The following TRPM4 variants were observed in gnomAD, a reference collection of about 807,000 sequenced individuals.
TRPM4 encodes the protein transient receptor potential cation channel subfamily M member 4, also known as calcium-activated non-selective cation channel 1.
Under a neutral mutation model 135.6 loss-of-function variants are expected in TRPM4, and 124 were observed. The observed-to-expected ratio is 0.91, with a 90% CI of 0.79 to 1.06. The LOEUF (loss-of-function observed/expected upper bound fraction) is 1.06, where lower values mean the gene tolerates loss of function less well. Ranked by LOEUF, TRPM4 falls within the 50% of genes least tolerant of loss-of-function variation. The probability of loss-of-function intolerance (pLI) is 0.00; values close to 1 mark genes in which losing one functional copy is unlikely to be tolerated. For synonymous variants in TRPM4, 745 were observed against 705.6 expected (o/e 1.06, Z -0.88); for missense variants, 1,658 against 1,671.4 (o/e 0.99, Z 0.14).
intron 10 of TRPM4, among the ~76,000 whole-genome samples, chr19:49,182,185 C>T (rs1772682921): frequency 7.1e-6 from 1 of 140,970 alleles, no homozygotes. Flanking sequence ...CCTATCCATT[C>T]ATCCATACAT....
Position 49,201,012 on chromosome 19 carries a change from C to T in TRPM4, c.2953+227C>T, listed in dbSNP as rs7250284. 0.025 allele frequency among the ~76,000 whole-genome samples: 3,377 copies of T among 134,370 alleles called. 126 individuals carry two copies. Among genetic ancestry groups the T allele is most frequent in the African/African-American group, 0.085 (3,090 of 36,524 alleles). 88.2% of individuals were successfully genotyped at this position (134,370 alleles called of 152,430 possible). On this transcript the variant is annotated intron_variant, in intron 19 of 24. Transcript: ENST00000252826. ...GTCTTTCTTTTTTCTTTTTTTTTTTCTTTTTTTTTGAGATGGATGTTAGAA... is the reference window on the plus strand; with the variant it reads ...GTCTTTCTTTTTTCTTTTTTTTTTTTTTTTTTTTTGAGATGGATGTTAGAA...
intron 12 of TRPM4, among the ~76,000 whole-genome samples, chr19:49,185,194 T>C (rs893857832): frequency 1.3e-5 from 2 of 152,168 alleles, no homozygotes; most frequent in Non-Finnish European, 2.9e-5. Flanking sequence ...TCATTTATTT[T>C]TTTCCTACTC....
intron 9 of TRPM4, among the ~76,000 whole-genome samples, chr19:49,174,246 G>A (rs1242021391): frequency 2.0e-5 from 3 of 152,070 alleles, no homozygotes; most frequent in South Asian, 2.1e-4. Flanking sequence ...TCCGCCTCCC[G>A]GGTTCAAGCG....
chr19:49,162,948 A>G (rs1285883088), intron 2 of TRPM4, among the ~76,000 whole-genome samples: 4 of 151,154 alleles, frequency 2.6e-5, no homozygotes, highest in African/African-American at 4.9e-5. Flanking sequence ...TTTTAGTAGA[A>G]ACAGGGTTTC....
intron 2 of TRPM4, among the ~76,000 whole-genome samples, chr19:49,160,523 A>C (rs1966922811): frequency 6.6e-6 from 1 of 151,836 alleles, no homozygotes; most frequent in South Asian, 2.1e-4. Context: ...GAAAAAAGTG[A>C]TTTGAACAGC....
In TRPM4 at chr19:49,210,988, C is replaced by T. The variant is rs1442751775; in HGVS notation, c.3462-27C>T. On this transcript the variant is annotated intron_variant, in intron 22 of 24. Transcript: ENST00000252826. This position sits in a 1 kb window ranked among gnomAD's most constrained non-coding sequence, Gnocchi z 4.1. The stretch of plus-strand genomic sequence containing the variant: ...CTGGGGGTGGGTGGGCTGCGGGTGC[C>T]CCCGGTAAGAGGCCCTCCCTTCTCA... 1.2e-6 allele frequency: 2 copies of T among 1,612,212 alleles called. No individual in the cohort carries two copies. The highest frequency in any genetic ancestry group is 1.7e-6 in the Non-Finnish European group (2 of 1,179,418).
chr19:49,200,008 A>G (rs1249699908), intron 17 of TRPM4, among the ~76,000 whole-genome samples: 1 of 152,218 alleles, frequency 6.6e-6, no homozygotes, highest in Non-Finnish European at 1.5e-5. Context: ...TAGGTTGGAC[A>G]GATATTCCGG....
At chr19:49,194,091 C>T (rs1968527721) in intron 16 of TRPM4, among the ~76,000 whole-genome samples, 1 of 149,738 alleles carries the variant, frequency 6.7e-6, no homozygotes, top group South Asian at 2.1e-4. Flanking sequence ...CCTGCTCCTG[C>T]TCCTCCGCCT....
intron 2 of TRPM4, among the ~76,000 whole-genome samples, chr19:49,165,523 G>A (rs1051068348): frequency 1.8e-4 from 27 of 152,128 alleles, no homozygotes; most frequent in Admixed American, 1.7e-3. Flanking sequence ...GAAACACGGC[G>A]TTCTTTCCCT....
intron 12 of TRPM4, among the ~76,000 whole-genome samples, chr19:49,187,218 C>A (rs1363637414): frequency 6.7e-6 from 1 of 148,716 alleles, no homozygotes; most frequent in African/African-American, 2.5e-5. Context: ...TATAAGTTTT[C>A]GATTAGATTC....
Position 49,205,669 on chromosome 19 carries a change from G to A in TRPM4, c.3131+3528G>A, listed in dbSNP as rs539371385. Among the ~76,000 whole-genome samples the A allele has an allele frequency of 2.1e-3, 311 of 151,192 alleles. 1 individual carries two copies. Among genetic ancestry groups the A allele is most frequent in the African/African-American group, 7.3e-3 (301 of 41,220 alleles). ...TCCTGCCTCAGCCTCCCGAGTAGCT[G>A]GGATTACAGGTGCCTGCCACTATAC... On this transcript the variant is annotated intron_variant, in intron 20 of 24. Transcript: ENST00000252826.
In TRPM4 at chr19:49,188,802, C is replaced by T. The variant is rs776176323; in HGVS notation, c.1873+32C>T. The T allele has an allele frequency of 1.1e-5, 18 of 1,613,088 alleles. No homozygotes were observed. In the East Asian group the frequency reaches 1.3e-4, roughly 12 times the overall value. On this transcript the variant is annotated intron_variant, in intron 13 of 24. Coordinates refer to ENST00000252826, the MANE Select transcript of TRPM4 (RefSeq NM_017636.4). ...GGGGCACGGTGCCTGGGAGCAGGGA[C>T]GGGGGCTGCCGCCAGAGGGGGATGT...
At chr19:49,178,310 C>T (rs573200691) in intron 9 of TRPM4, among the ~76,000 whole-genome samples, 45 of 152,070 alleles carry the variant, frequency 3.0e-4, no homozygotes, top group African/African-American at 5.8e-4. Flanking sequence ...GGGTGACAGA[C>T]GAAGACCCTG....
chr19:49,187,926 G>A (rs1456857496), intron 12 of TRPM4, among the ~76,000 whole-genome samples: 3 of 152,136 alleles, frequency 2.0e-5, no homozygotes, highest in Non-Finnish European at 4.4e-5. Flanking sequence ...AGTCTGGGTG[G>A]TGTCAGCTGA....
rs188243323 is a variant in TRPM4, at chr19:49,210,067, G to A, written c.3132-142G>A. 455 of 959,196 alleles carry A rather than the reference G, an allele frequency of 4.7e-4. 1 individual carries two copies. In the African/African-American group the frequency reaches 6.8e-3, roughly 14 times the overall value. 59.4% of individuals were successfully genotyped at this position (959,196 alleles called of 1,614,324 possible). ...CTTGGCTCTAACCTGACTTCTAATC[G>A]CATCCTGTAACCTCTGACTTTAGTG... On this transcript the variant is annotated intron_variant, in intron 20 of 24. Transcript: ENST00000252826. The surrounding 1 kb of genome is among the most constrained non-coding windows in gnomAD (Gnocchi z 4.1).
chr19:49,171,244 A>G lies in TRPM4; in HGVS notation c.797-113A>G, dbSNP rs377131860. ...AATGACAATTCCAATGAGCCTCTGA[A>G]CAGAAGATTAGGACAAGGCTGATGT... On this transcript the variant is annotated intron_variant, in intron 6 of 24. Coordinates refer to ENST00000252826, the MANE Select transcript of TRPM4 (RefSeq NM_017636.4). This position sits in a 1 kb window ranked among gnomAD's most constrained non-coding sequence, Gnocchi z 4.7. 2.7e-6 allele frequency: 3 copies of G among 1,120,824 alleles called. No individual in the cohort carries two copies. In the African/African-American group the frequency reaches 4.6e-5, roughly 17 times the overall value. 69.4% of individuals were successfully genotyped at this position (1,120,824 alleles called of 1,614,324 possible). A position where few individuals can be genotyped will look rare whatever the true frequency, so the allele number is the denominator to read the frequency against.
chr19:49,167,018 GT>G (rs1967220135), intron 3 of TRPM4, among the ~76,000 whole-genome samples: 1 of 149,662 alleles, frequency 6.7e-6, no homozygotes, highest in Admixed American at 6.7e-5. Context: ...CCGGGTCTCT[GT>G]CCCCGTCTCT....
At chr19:49,172,258 G>A in intron 9 of TRPM4, 150 bp downstream of exon 9, 1 of 678,284 alleles carries the variant, frequency 1.5e-6, no homozygotes. Context: ...TTTGCATGGT[G>A]CTATTTGGGC....
chr19:49,182,398 A>ATCCATCCATCTG (rs768635311), intron 10 of TRPM4, 180 bp from the exon 11 acceptor site: 11,932 of 642,620 alleles, frequency 0.019, 245 homozygotes, highest in African/African-American at 0.039. Flanking sequence ...CCATCTGCCC[A>ATCCATCCATCTG]TCCATCCATC....
Sources: gnomAD v4.1 joint callset for allele counts (sites outside exome capture counted in the v4.1 genomes callset) on GRCh38, gnomAD v4.1.1 for gene constraint, Gnocchi (gnomAD v3.1) non-coding constraint, MANE v1.5 for transcripts, NCBI Gene and HGNC (gene_info 2026-07-23, HGNC 2026-07-21) for gene names.